Variants in CELF2 observed in about 807,000 individuals in gnomAD.
The protein encoded by CELF2 is CUG triplet repeat RNA-binding protein 2.
In CELF2, 8 loss-of-function variants were observed where a neutral mutation model predicts 62.6. The ratio of observed to expected loss-of-function variants is 0.13; its 90% CI spans 0.07 to 0.23. CELF2 has a LOEUF of 0.23. CELF2 is among the 10% of genes least tolerant of loss of function. The pLI, the probability that CELF2 is intolerant of heterozygous loss-of-function variation, is 1.00. For missense variants in CELF2, 333 were observed against 671.0 expected, an observed-to-expected ratio of 0.50 and a Z score of 5.56; for synonymous variants, 258 against 250.0, an observed-to-expected ratio of 1.03 and a Z score of -0.30.
At chr10:10,762,951 A>C in the CELF2 span, among the ~76,000 whole-genome samples, 1 of 152,166 alleles carries the variant, frequency 6.6e-6, no homozygotes, top group Non-Finnish European at 1.5e-5. Flanking sequence ...AAATAAAATA[A>C]ATTATAAAAG....
chr10:11,323,424 A>AAATAATAAT (rs57666869), intron 11 of CELF2, among the ~76,000 whole-genome samples: 16,947 of 141,502 alleles, frequency 0.12, 1,137 homozygotes, highest in East Asian at 0.16. Flanking sequence ...GGCAGAGCAA[A>AAATAATAAT]AATAATAATA....
intron 1 of CELF2, among the ~76,000 whole-genome samples, chr10:11,129,624 GA>G (rs2059307133): frequency 2.0e-5 from 3 of 152,162 alleles, no homozygotes; most frequent in Non-Finnish European, 4.4e-5. Flanking sequence ...ATGTGTCGAG[GA>G]ATTTATCCAT....
At chr10:10,939,596 A>G (rs932186535) in intron 2 of CELF2, among the ~76,000 whole-genome samples, 3 of 151,958 alleles carry the variant, frequency 2.0e-5, no homozygotes, top group Non-Finnish European at 2.9e-5. Context: ...GATAATTAGC[A>G]AATTCTTAAT....
the CELF2 span, among the ~76,000 whole-genome samples, chr10:10,531,983 G>A: frequency 6.6e-6 from 1 of 152,212 alleles, no homozygotes; most frequent in Non-Finnish European, 1.5e-5. Context: ...ACAATAAGTA[G>A]AGGATTGACT....
chr10:10,906,788 G>A (rs548567500), intron 1 of CELF2, among the ~76,000 whole-genome samples: 7 of 130,106 alleles, frequency 5.4e-5, no homozygotes, highest in East Asian at 4.7e-4. Context: ...GCGCAATCTC[G>A]GCTCACTGCA....
chr10:10,493,949 T>TC, the CELF2 span, among the ~76,000 whole-genome samples: 1 of 152,190 alleles, frequency 6.6e-6, no homozygotes, highest in Non-Finnish European at 1.5e-5. Flanking sequence ...CCTCTAACCT[T>TC]CCCCTGACCA....
At chr10:10,922,331 T>C (rs1481115138) in intron 2 of CELF2, among the ~76,000 whole-genome samples, 1 of 152,212 alleles carries the variant, frequency 6.6e-6, no homozygotes, top group Non-Finnish European at 1.5e-5. Context: ...TCCCATCATG[T>C]GTGGGCAGAG....
chr10:10,866,747 C>T (rs944345116), intron 1 of CELF2, among the ~76,000 whole-genome samples: 16 of 151,282 alleles, frequency 1.1e-4, no homozygotes, highest in Admixed American at 2.0e-4. Context: ...ACGGTAAAAC[C>T]CCATCTTTAC....
chr10:10,767,125 G>C, the CELF2 span, among the ~76,000 whole-genome samples: 1 of 152,134 alleles, frequency 6.6e-6, no homozygotes, highest in Non-Finnish European at 1.5e-5. Flanking sequence ...GCTAGCACCA[G>C]TATATCATGC....
intron 1 of CELF2, among the ~76,000 whole-genome samples, chr10:11,078,151 T>G (rs2072688132): frequency 6.7e-6 from 1 of 149,886 alleles, no homozygotes; most frequent in Middle Eastern, 3.4e-3. Flanking sequence ...ATACAGATAC[T>G]TGAGAGCTTC....
chr10:10,931,835 A>G lies in CELF2; in HGVS notation c.89+11836A>G, dbSNP rs757359201. Among the ~76,000 whole-genome samples, 2 of 152,218 alleles carry G rather than the reference A, an allele frequency of 1.3e-5. No individual in the cohort carries two copies. The highest frequency in any genetic ancestry group is 2.9e-5 in the Non-Finnish European group (2 of 68,040). ...AAGACATGAGGTTTAATGGACTCAC[A>G]GTTCCACATGGCTAGGGAGGCCTCA... On this transcript the variant is annotated intron_variant, in intron 2 of 13. Transcript: ENST00000636488. This position sits in a 1 kb window ranked among gnomAD's most constrained non-coding sequence, Gnocchi z 6.1.
chr10:10,765,519 A>G, the CELF2 span, among the ~76,000 whole-genome samples: 1 of 152,290 alleles, frequency 6.6e-6, no homozygotes, highest in Non-Finnish European at 1.5e-5. Flanking sequence ...CTCCCCGACC[A>G]CAATTGGGCT....
At position 11,262,940 on chromosome 10, in the gene CELF2, C is replaced by CTTTTTTTTTTTTTTTTTTTTTTTTTTT. The variant is rs553831640; in HGVS notation, c.539-3657_539-3631dup. 1.5e-4 allele frequency among the ~76,000 whole-genome samples: 8 copies of CTTTTTTTTTTTTTTTTTTTTTTTTTTT among 52,764 alleles called. 1 individual carries two copies. The highest frequency in any genetic ancestry group is 1.2e-3 in the South Asian group (1 of 858). 34.6% of individuals were successfully genotyped at this position (52,764 alleles called of 152,430 possible). A position where few individuals can be genotyped will look rare whatever the true frequency, so the allele number is the denominator to read the frequency against. ...GTTCATGCTTTTAAAAGTGGCTTTA[C>CTTTTTTTTTTTTTTTTTTTTTTTTTTT]TTTTTTTTTTTTTTTTTTTTTTTTT... is the stretch of plus-strand genomic sequence containing the variant. On this transcript the variant is annotated intron_variant, in intron 5 of 12. Transcript: ENST00000633077.
In CELF2 at chr10:11,217,360, G is replaced by A; in HGVS notation, c.272-65G>A. On this transcript the variant is annotated intron_variant, in intron 2 of 12. Coordinates refer to ENST00000633077, the MANE Select transcript of CELF2 (RefSeq NM_001326342.2). This position sits in a 1 kb window ranked among gnomAD's most constrained non-coding sequence, Gnocchi z 5.6. ...TTAAGTAGATTGTTTGTTCGCCACA[G>A]TCTCCATTATATCTAAGCAAAGCAT... The A allele has an allele frequency of 1.8e-6, 2 of 1,109,048 alleles. No homozygotes were observed. The highest frequency in any genetic ancestry group is 2.7e-6 in the Non-Finnish European group (2 of 741,426). The allele number at this position is 1,109,048 out of a possible 1,614,324, so 68.7% of individuals were successfully genotyped here.
chr10:10,548,742 C>T, the CELF2 span, among the ~76,000 whole-genome samples: 2 of 151,410 alleles, frequency 1.3e-5, no homozygotes, highest in Non-Finnish European at 2.9e-5. Flanking sequence ...ATTTTATATC[C>T]CATAATTATT....
At chr10:11,127,541 C>T (rs2058918096) in intron 1 of CELF2, among the ~76,000 whole-genome samples, 1 of 152,126 alleles carries the variant, frequency 6.6e-6, no homozygotes, top group African/African-American at 2.4e-5. Flanking sequence ...TTCTCCACAT[C>T]CTCTGCAGCA....
rs569516391 is a variant in CELF2 at position 10,812,473 on chromosome 10, G to A, written c.53+13656G>A. Reference sequence around the variant, plus strand: ...GACTTTAGTGCAACAGAGTTAGAGGGCACCTGAGAGATCAATTTCTTGATG... The same window carrying A: ...GACTTTAGTGCAACAGAGTTAGAGGACACCTGAGAGATCAATTTCTTGATG... On this transcript the variant is annotated intron_variant, in intron 1 of 13. Coordinates refer to the CELF2 transcript ENST00000636488. Among the ~76,000 whole-genome samples, 8 of 152,260 alleles carry A rather than the reference G, an allele frequency of 5.3e-5. No homozygotes were observed. In the East Asian group the frequency reaches 9.7e-4, roughly 18 times the overall value.
intron 1 of CELF2, among the ~76,000 whole-genome samples, chr10:11,097,858 C>T (rs1307034300): frequency 6.6e-6 from 1 of 152,238 alleles, no homozygotes; most frequent in African/African-American, 2.4e-5. Flanking sequence ...AGGGACTTCC[C>T]AGATGGGCTG....
chr10:11,281,338 G>A (rs892192813), intron 8 of CELF2, among the ~76,000 whole-genome samples: 8 of 152,160 alleles, frequency 5.3e-5, no homozygotes, highest in African/African-American at 1.9e-4. Flanking sequence ...ACTGACGTGG[G>A]GTAGATGAAG....
Sources: allele counts gnomAD v4.1 joint callset (sites outside exome capture counted in the v4.1 genomes callset), GRCh38; gene constraint gnomAD v4.1.1; non-coding constraint Gnocchi (gnomAD v3.1); transcripts MANE v1.5; gene names NCBI Gene and HGNC (gene_info 2026-07-23, HGNC 2026-07-21).